DIS3L2: variants seen among roughly 807,000 people sequenced by gnomAD.
The protein encoded by DIS3L2 is DIS3 like 3'-5' exoribonuclease 2.
In DIS3L2, 34 loss-of-function variants were observed where a neutral mutation model predicts 97.5. The observed-to-expected ratio is 0.35, with a 90% CI of 0.27 to 0.46. The LOEUF is 0.46. DIS3L2 is among the 20% of genes least tolerant of loss of function. The probability of loss-of-function intolerance (pLI) is 1.00; values close to 1 mark genes in which losing one functional copy is unlikely to be tolerated. For missense variants in DIS3L2, 1,038 were observed against 1,146.0 expected, an observed-to-expected ratio of 0.91 and a Z score of 1.36; for synonymous variants, 435 against 445.2, an observed-to-expected ratio of 0.98 and a Z score of 0.29.
At position 232,294,571 on chromosome 2, in the gene DIS3L2, C is replaced by A. The variant is rs1694678925; in HGVS notation, c.1660-5469C>A. Among the ~76,000 whole-genome samples the A allele has an allele frequency of 2.0e-5, 3 of 152,160 alleles. No individual in the cohort carries two copies. In the South Asian group the frequency reaches 6.2e-4, roughly 32 times the overall value. ...CCCTTGGCTCTCCATTCCTTGACTT[C>A]TTTTTGGATCTTGTTTTTGACCAGC... On this transcript the variant is annotated intron_variant, in intron 13 of 20. Transcript: ENST00000325385.
chr2:232,329,604 G>A, intron 14 of DIS3L2: 1 of 484,442 alleles, frequency 2.1e-6, no homozygotes, highest in Non-Finnish European at 3.6e-6. Flanking sequence ...GGAGAAGGCG[G>A]TGTAGACCAA....
chr2:232,241,560 A>C (rs1693081878), intron 11 of DIS3L2, among the ~76,000 whole-genome samples: 1 of 152,256 alleles, frequency 6.6e-6, no homozygotes, highest in Non-Finnish European at 1.5e-5. Flanking sequence ...TGCTCACAGT[A>C]ATAAGTATTT....
chr2:232,181,262 A>G (rs1456791422), intron 9 of DIS3L2, among the ~76,000 whole-genome samples: 1 of 151,040 alleles, frequency 6.6e-6, no homozygotes, highest in Non-Finnish European at 1.5e-5. Flanking sequence ...CTTCATTTCT[A>G]CTTTGGCGAA....
chr2:232,292,719 CTCTCCCATTTTCT>C lies in DIS3L2; in HGVS notation c.1660-7320_1660-7308del, dbSNP rs1694634321. ...AGCCTGAGCCCCTGAAAGGAGAAGG[CTCTCCCATTTTCT>C]GCCCTGGGGAGACTGCCCTTTCCTT... On this transcript the variant is annotated intron_variant, in intron 13 of 20. Coordinates refer to ENST00000325385, the MANE Select transcript of DIS3L2 (RefSeq NM_152383.5). This position sits in a 1 kb window ranked among gnomAD's most constrained non-coding sequence, Gnocchi z 4.4. Among the ~76,000 whole-genome samples, 1 of 152,222 alleles carries C rather than the reference CTCTCCCATTTTCT, an allele frequency of 6.6e-6. No homozygotes were observed. Among genetic ancestry groups the C allele is most frequent in the Non-Finnish European group, 1.5e-5 (1 of 68,030 alleles).
intron 5 of DIS3L2, among the ~76,000 whole-genome samples, chr2:232,040,891 G>C (rs1229691510): frequency 6.6e-6 from 1 of 152,146 alleles, no homozygotes; most frequent in Non-Finnish European, 1.5e-5. Flanking sequence ...ATCAAGGAGA[G>C]AGTTATTTGA....
At chr2:232,166,588 C>G (rs758931223) in intron 9 of DIS3L2, among the ~76,000 whole-genome samples, 1 of 151,396 alleles carries the variant, frequency 6.6e-6, no homozygotes, top group Non-Finnish European at 1.5e-5. Flanking sequence ...TAGTAGTACG[C>G]GCCTGTAGTC....
rs577643516 is a variant in DIS3L2 at position 232,269,706 on chromosome 2, G to C, written c.1659+6266G>C. Among the ~76,000 whole-genome samples the C allele has an allele frequency of 3.9e-5, 6 of 152,150 alleles. No individual in the cohort carries two copies. The highest frequency in any genetic ancestry group is 2.1e-4 in the South Asian group (1 of 4,820). On this transcript the variant is annotated intron_variant, in intron 13 of 20. Transcript: ENST00000325385. This position sits in a 1 kb window ranked among gnomAD's most constrained non-coding sequence, Gnocchi z 4.5. ...CAAGCAGACTGCTGGTACAAGCATGGGAGGGATGAGAAATGGCAGATTGTT... is the reference window on the plus strand; with the variant it reads ...CAAGCAGACTGCTGGTACAAGCATGCGAGGGATGAGAAATGGCAGATTGTT...
intron 9 of DIS3L2, among the ~76,000 whole-genome samples, chr2:232,194,877 G>T (rs1412076892): frequency 6.6e-6 from 1 of 152,132 alleles, no homozygotes; most frequent in African/African-American, 2.4e-5. Context: ...AAGTTGGTGG[G>T]AGTAGAGAAG....
At chr2:232,257,516 G>A (rs929425546) in intron 12 of DIS3L2, among the ~76,000 whole-genome samples, 5 of 152,026 alleles carry the variant, frequency 3.3e-5, no homozygotes, top group African/African-American at 1.2e-4. Context: ...CCCACCCTCC[G>A]TCACTCCAAA....
At chr2:231,982,133 G>A (rs1484930576) in intron 1 of DIS3L2, among the ~76,000 whole-genome samples, 1 of 152,084 alleles carries the variant, frequency 6.6e-6, no homozygotes, top group Non-Finnish European at 1.5e-5. Flanking sequence ...TATATAGTGA[G>A]TTATATTTAA....
At chr2:232,300,229 C>A in intron 14 of DIS3L2, 110 bp downstream of exon 14, 1 of 969,024 alleles carries the variant, frequency 1.0e-6, no homozygotes, top group Non-Finnish European at 1.6e-6. Context: ...GAAGGGAATA[C>A]ACCTTTTACT....
At chr2:232,100,238 T>C (rs527716600) in intron 6 of DIS3L2, among the ~76,000 whole-genome samples, 2 of 150,770 alleles carry the variant, frequency 1.3e-5, no homozygotes, top group Non-Finnish European at 3.0e-5. Context: ...GGTTTCACCA[T>C]GTTGGCCAGG....
chr2:232,114,594 C>T (rs768138072), intron 6 of DIS3L2, among the ~76,000 whole-genome samples: 4 of 152,058 alleles, frequency 2.6e-5, no homozygotes, highest in South Asian at 2.1e-4. Context: ...GAGTTATACA[C>T]GTGAATCTTG....
At chr2:232,335,351 C>T (rs1442541741) in intron 19 of DIS3L2, 19 of 207,346 alleles carry the variant, frequency 9.2e-5, no homozygotes, top group Non-Finnish European at 1.4e-4. Context: ...AGAAGAGGAA[C>T]GACAGAGTCC....
chr2:232,031,824 C>T (rs1444805071), intron 5 of DIS3L2, among the ~76,000 whole-genome samples: 1 of 152,158 alleles, frequency 6.6e-6, no homozygotes, highest in Non-Finnish European at 1.5e-5. Context: ...CTGCAAAGGA[C>T]ATAAACTCAT....
intron 14 of DIS3L2, among the ~76,000 whole-genome samples, chr2:232,303,086 C>T (rs1215024861): frequency 6.6e-6 from 1 of 152,252 alleles, no homozygotes; most frequent in African/African-American, 2.4e-5. Context: ...AAAACTGGCT[C>T]ATGACTTCCA....
intron 1 of DIS3L2, among the ~76,000 whole-genome samples, chr2:231,988,586 G>A (rs763321209): frequency 1.3e-5 from 2 of 152,138 alleles, no homozygotes; most frequent in Non-Finnish European, 2.9e-5. Flanking sequence ...AACTGGTTGT[G>A]ACTTTATATG....
At chr2:232,282,549 A>AT (rs1694318562) in intron 13 of DIS3L2, among the ~76,000 whole-genome samples, 1 of 152,080 alleles carries the variant, frequency 6.6e-6, no homozygotes, top group South Asian at 2.1e-4. Context: ...CACATATGTG[A>AT]TTTTGGGGGA....
intron 14 of DIS3L2, among the ~76,000 whole-genome samples, chr2:232,303,042 A>G (rs1229579146): frequency 6.6e-6 from 1 of 152,220 alleles, no homozygotes; most frequent in Non-Finnish European, 1.5e-5. Context: ...GAATGCCCAT[A>G]GGAAGTGCTT....
Sources: allele counts gnomAD v4.1 joint callset (sites outside exome capture counted in the v4.1 genomes callset), GRCh38; gene constraint gnomAD v4.1.1; non-coding constraint Gnocchi (gnomAD v3.1); transcripts MANE v1.5; gene names NCBI Gene and HGNC (gene_info 2026-07-23, HGNC 2026-07-21).